Variants in NRG3 observed in about 807,000 individuals in gnomAD.
The protein encoded by NRG3 is pro-neuregulin-3, membrane-bound isoform.
In NRG3, 31 loss-of-function variants were observed where a neutral mutation model predicts 66.9. That is an observed-to-expected ratio of 0.46 (90% CI 0.35 to 0.63). The LOEUF (loss-of-function observed/expected upper bound fraction) is 0.63. Ranked by LOEUF, NRG3 falls within the 20% of genes least tolerant of loss-of-function variation. The pLI is 0.00. For missense variants in NRG3, 910 were observed against 878.9 expected (o/e 1.04, Z -0.45); for synonymous variants, 393 against 359.4 (o/e 1.09, Z -1.06).
chr10:81,978,420 C>T (rs11192022), intron 1 of NRG3, among the ~76,000 whole-genome samples: 4,450 of 152,216 alleles, frequency 0.029, 220 homozygotes, highest in African/African-American at 0.1. Context: ...CTATAACTTT[C>T]AGGACCTTGG....
chr10:82,815,489 A>T (rs2061668455), intron 3 of NRG3, among the ~76,000 whole-genome samples: 1 of 151,994 alleles, frequency 6.6e-6, no homozygotes, highest in African/African-American at 2.4e-5. Flanking sequence ...TTCCTCAAAA[A>T]TTTTCTCTTC....
intron 1 of NRG3, among the ~76,000 whole-genome samples, chr10:82,151,424 C>G (rs139056527): frequency 1.3e-5 from 2 of 152,162 alleles, no homozygotes; most frequent in Non-Finnish European, 2.9e-5. Context: ...GCAGAGCACA[C>G]GAGGATGAAA....
At chr10:82,645,770 A>G (rs551939630) in intron 2 of NRG3, among the ~76,000 whole-genome samples, 39 of 152,094 alleles carry the variant, frequency 2.6e-4, no homozygotes, top group Non-Finnish European at 4.4e-4. Flanking sequence ...AAAAAACAAG[A>G]GTGTTGTATT....
At chr10:81,880,918 C>T (rs1204095779) in intron 1 of NRG3, among the ~76,000 whole-genome samples, 1 of 152,094 alleles carries the variant, frequency 6.6e-6, no homozygotes, top group Non-Finnish European at 1.5e-5. Flanking sequence ...TTTACTTATC[C>T]ACCCAAGAAA....
intron 3 of NRG3, among the ~76,000 whole-genome samples, chr10:82,800,098 G>T (rs191373161): frequency 1.6e-4 from 25 of 151,880 alleles, no homozygotes; most frequent in Non-Finnish European, 7.4e-5. Context: ...ATTTATAGCC[G>T]GTTTCTGACT....
intron 3 of NRG3, among the ~76,000 whole-genome samples, chr10:82,840,366 G>A (rs2062997584): frequency 6.6e-6 from 1 of 151,682 alleles, no homozygotes; most frequent in Non-Finnish European, 1.5e-5. Flanking sequence ...CTCCTACTTT[G>A]TTTCCCATAG....
At chr10:82,944,700 G>A (rs941694475) in intron 4 of NRG3, among the ~76,000 whole-genome samples, 31 of 152,070 alleles carry the variant, frequency 2.0e-4, no homozygotes, top group African/African-American at 7.5e-4. Context: ...ATATTTTTTA[G>A]GTTTACTTTC....
intron 4 of NRG3, among the ~76,000 whole-genome samples, chr10:82,939,134 C>A (rs1848346148): frequency 6.6e-6 from 1 of 152,084 alleles, no homozygotes; most frequent in African/African-American, 2.4e-5. Flanking sequence ...TTTTCATTTT[C>A]TTTTCAAAAT....
intron 2 of NRG3, among the ~76,000 whole-genome samples, chr10:82,427,320 TA>T (rs2089513455): frequency 6.6e-6 from 1 of 152,168 alleles, no homozygotes; most frequent in Non-Finnish European, 1.5e-5. Flanking sequence ...TGGTTTTTCA[TA>T]AACGCTCCTT....
intron 1 of NRG3, among the ~76,000 whole-genome samples, chr10:82,334,153 A>G (rs1291703860): frequency 1.3e-5 from 2 of 151,228 alleles, no homozygotes; most frequent in Non-Finnish European, 2.9e-5. Context: ...AAAAAAAAAA[A>G]AAGAAAAGAA....
intron 3 of NRG3, among the ~76,000 whole-genome samples, chr10:82,811,222 G>T (rs1366923967): frequency 2.6e-5 from 4 of 152,100 alleles, no homozygotes; most frequent in African/African-American, 7.2e-5. Flanking sequence ...CACATGATTT[G>T]TTTTGTAATG....
At chr10:82,475,078 C>G (rs1445884215) in intron 2 of NRG3, among the ~76,000 whole-genome samples, 1 of 151,388 alleles carries the variant, frequency 6.6e-6, no homozygotes, top group East Asian at 1.9e-4. Flanking sequence ...CAAGAAAAAG[C>G]TAGCAGAAAG....
At chr10:82,381,379 C>A (rs1229146561) in intron 2 of NRG3, among the ~76,000 whole-genome samples, 1 of 152,130 alleles carries the variant, frequency 6.6e-6, no homozygotes, top group African/African-American at 2.4e-5. Context: ...GGACACTATT[C>A]TGAATGCTTA....
At chr10:82,504,191 A>G (rs754291670) in intron 2 of NRG3, among the ~76,000 whole-genome samples, 3 of 152,166 alleles carry the variant, frequency 2.0e-5, no homozygotes, top group Non-Finnish European at 4.4e-5. Flanking sequence ...CCCTTCATGA[A>G]TGATCAGTCA....
Position 81,899,785 on chromosome 10 carries a change from A to G in NRG3, c.823+23622A>G, listed in dbSNP as rs115454048. On this transcript the variant is annotated intron_variant, in intron 1 of 8. Coordinates refer to ENST00000372141, the MANE Select transcript of NRG3 (RefSeq NM_001010848.4). ...CCTTTAGGCATCTTGTTGAGTAAAC[A>G]CTCGGGCGAAGTCTGTGGGCCTCTG... is the stretch of plus-strand genomic sequence containing the variant. Among the ~76,000 whole-genome samples, 961 of 152,154 alleles carry G rather than the reference A, an allele frequency of 6.3e-3. 5 individuals carry two copies. The highest frequency in any genetic ancestry group is 0.017 in the African/African-American group (693 of 41,506).
At chr10:82,378,317 G>A (rs1205464127) in intron 2 of NRG3, among the ~76,000 whole-genome samples, 1 of 152,184 alleles carries the variant, frequency 6.6e-6, no homozygotes, top group Non-Finnish European at 1.5e-5. Flanking sequence ...CTTGGAGTAC[G>A]TGTGATTTGA....
At chr10:82,669,172 G>C (rs1016664234) in intron 2 of NRG3, among the ~76,000 whole-genome samples, 2 of 151,770 alleles carry the variant, frequency 1.3e-5, no homozygotes, top group Non-Finnish European at 1.5e-5. Context: ...CTATAAATAT[G>C]AAGGAGCAGT....
chr10:82,611,408 C>T (rs1270063694), intron 2 of NRG3, among the ~76,000 whole-genome samples: 3 of 152,018 alleles, frequency 2.0e-5, no homozygotes, highest in Non-Finnish European at 2.9e-5. Context: ...CCAGTGCTAT[C>T]CCTCCCCCAG....
At chr10:82,130,637 G>A (rs2068757905) in intron 1 of NRG3, among the ~76,000 whole-genome samples, 1 of 152,048 alleles carries the variant, frequency 6.6e-6, no homozygotes, top group African/African-American at 2.4e-5. Flanking sequence ...TATAGTTGTT[G>A]TACTGATTTG....
Sources: allele counts gnomAD v4.1 joint callset (sites outside exome capture counted in the v4.1 genomes callset), GRCh38; gene constraint gnomAD v4.1.1; transcripts MANE v1.5; gene names NCBI Gene and HGNC (gene_info 2026-07-23, HGNC 2026-07-21).